Variants in RBFOX2 observed in about 807,000 individuals in gnomAD.
The protein encoded by RBFOX2 is RNA binding protein fox-1 homolog 2.
A neutral mutation model predicts 49.1 loss-of-function variants in RBFOX2; 10 were observed. The ratio of observed to expected loss-of-function variants is 0.20; its 90% CI spans 0.13 to 0.35. The LOEUF is 0.35. Ranked by LOEUF, RBFOX2 falls within the 10% of genes least tolerant of loss-of-function variation. The pLI is 1.00. For synonymous variants in RBFOX2, 183 were observed against 187.4 expected (o/e 0.98, Z 0.19); for missense variants, 323 against 486.9 (o/e 0.66, Z 3.17).
At chr22:35,744,161 C>T (rs756739583) in exon 12 of RBFOX2, 33 of 1,584,080 alleles carry the variant, frequency 2.1e-5, no homozygotes, top group Non-Finnish European at 2.7e-5. Context: ...AGCCAGGCCT[C>T]ATGAACTGGG....
rs756914441 is a variant in RBFOX2, at chr22:35,781,671, T to G, written c.328A>C (p.Thr110Pro). The G allele has an allele frequency of 6.8e-6, 11 of 1,614,044 alleles. No individual in the cohort carries two copies. The African/African-American group carries it at 1.1e-4, about 16-fold the overall frequency. The change falls in exon 3 of 12, where the codon ACC becomes CCC. Residue 110 changes from threonine (T) to proline (P), a missense_variant. Transcript: ENST00000405409. ...TTAGAGACATGCAGCCGTTTCGGGG[T>G]AGATTTACTCTCTGAATTTTCACTA...
At chr22:36,028,763 C>T (rs1378523596) in exon 1 of RBFOX2, among the ~76,000 whole-genome samples, 3 of 151,928 alleles carry the variant, frequency 2.0e-5, no homozygotes, top group Non-Finnish European at 4.4e-5. Context: ...GCTCGCCCAC[C>T]GGCCGCGCTG....
At chr22:35,798,310 T>C (rs895017102) in intron 2 of RBFOX2, among the ~76,000 whole-genome samples, 8 of 152,212 alleles carry the variant, frequency 5.3e-5, no homozygotes, top group African/African-American at 1.9e-4. Flanking sequence ...TATAGGTTCA[T>C]TGAGGGCAGG....
chr22:35,886,248 G>A (rs753685397), intron 1 of RBFOX2, among the ~76,000 whole-genome samples: 4 of 152,060 alleles, frequency 2.6e-5, no homozygotes, highest in Non-Finnish European at 5.9e-5. Flanking sequence ...TCTGTGGAAT[G>A]TCTATTCTAT....
intron 2 of RBFOX2, among the ~76,000 whole-genome samples, chr22:35,785,041 A>C (rs1194546188): frequency 6.6e-6 from 1 of 152,014 alleles, no homozygotes; most frequent in Admixed American, 6.6e-5. Flanking sequence ...TCTGTCCCCC[A>C]GGCTGAAGTA....
chr22:35,796,849 G>A (rs1948874775), intron 2 of RBFOX2, among the ~76,000 whole-genome samples: 1 of 152,094 alleles, frequency 6.6e-6, no homozygotes, highest in South Asian at 2.1e-4. Flanking sequence ...CTGAGAAACT[G>A]TCGAGCTCAT....
chr22:35,765,327 G>A (rs1233041892), intron 6 of RBFOX2, 96 bp downstream of exon 7: 1 of 899,752 alleles, frequency 1.1e-6, no homozygotes. Flanking sequence ...AAATCAAACT[G>A]TCTTAAGACG....
chr22:35,738,921 C>G (rs1928364220), exon 12 of RBFOX2: 1 of 152,560 alleles, frequency 6.6e-6, no homozygotes, highest in Admixed American at 6.5e-5. Context: ...CTTCACAATT[C>G]CAGCTACTTG....
chr22:35,895,412 G>C (rs1259257448), intron 1 of RBFOX2, among the ~76,000 whole-genome samples: 2 of 152,128 alleles, frequency 1.3e-5, no homozygotes, highest in Non-Finnish European at 2.9e-5. Flanking sequence ...GGAGCCCCTT[G>C]CAGAAGCCAA....
chr22:35,832,298 A>G (rs1050334408), intron 1 of RBFOX2, among the ~76,000 whole-genome samples: 1 of 150,274 alleles, frequency 6.7e-6, no homozygotes, highest in African/African-American at 2.5e-5. Flanking sequence ...ACTTGAACCC[A>G]GGAGGCGGAG....
chr22:35,757,233 A>C (rs548151723), intron 9 of RBFOX2, among the ~76,000 whole-genome samples: 33 of 152,142 alleles, frequency 2.2e-4, no homozygotes, highest in Admixed American at 1.4e-3. Context: ...TAAAAAAAAA[A>C]AAAAAACAAA....
chr22:35,958,693 G>A (rs1603458483), intron 1 of RBFOX2, among the ~76,000 whole-genome samples: 1 of 152,044 alleles, frequency 6.6e-6, no homozygotes, highest in South Asian at 2.1e-4. Context: ...ATTCTTGCTT[G>A]GAACCAATCT....
At chr22:35,958,908 A>G (rs1453572452) in intron 1 of RBFOX2, among the ~76,000 whole-genome samples, 2 of 152,174 alleles carry the variant, frequency 1.3e-5, no homozygotes, top group Admixed American at 6.5e-5. Flanking sequence ...GCCCTCTTAG[A>G]TAATAGTCTC....
At chr22:35,970,620 C>T (rs1160724549) in intron 1 of RBFOX2, among the ~76,000 whole-genome samples, 1 of 151,986 alleles carries the variant, frequency 6.6e-6, no homozygotes, top group Non-Finnish European at 1.5e-5. Context: ...ATGATTGCAC[C>T]ACTGTACTCC....
At chr22:35,784,969 T>G (rs796177735) in intron 2 of RBFOX2, among the ~76,000 whole-genome samples, 3 of 152,234 alleles carry the variant, frequency 2.0e-5, no homozygotes, top group African/African-American at 7.2e-5. Context: ...TTGCAAAGGG[T>G]GGACATGCAT....
chr22:35,946,877 A>T (rs1388384108), intron 1 of RBFOX2, among the ~76,000 whole-genome samples: 1 of 152,244 alleles, frequency 6.6e-6, no homozygotes, highest in African/African-American at 2.4e-5. Context: ...GATTGCATAA[A>T]CAATGGTAGT....
intron 1 of RBFOX2, among the ~76,000 whole-genome samples, chr22:35,947,813 G>C (rs2054484018): frequency 6.6e-6 from 1 of 150,532 alleles, no homozygotes; most frequent in Non-Finnish European, 1.5e-5. Context: ...GAATCAAAAA[G>C]TTAAAAAAAT....
At chr22:35,938,755 G>T (rs573452220) in intron 1 of RBFOX2, 92 bp downstream of exon 2, 2 of 1,230,348 alleles carry the variant, frequency 1.6e-6, no homozygotes, top group Non-Finnish European at 2.4e-6. Context: ...TTCAAAGTAA[G>T]TAATTTCAGG....
chr22:35,903,644 T>C (rs2149465459), intron 1 of RBFOX2, among the ~76,000 whole-genome samples: 1 of 152,254 alleles, frequency 6.6e-6, no homozygotes, highest in African/African-American at 2.4e-5. Flanking sequence ...TTCTCCACCA[T>C]CACCACCCTT....
Sources: gnomAD v4.1 joint callset for allele counts (sites outside exome capture counted in the v4.1 genomes callset) on GRCh38, gnomAD v4.1.1 for gene constraint, MANE v1.5 for transcripts, NCBI Gene and HGNC (gene_info 2026-07-23, HGNC 2026-07-21) for gene names.